Variants in CAMK1D observed in about 807,000 individuals in gnomAD.
CAMK1D encodes the protein calcium/calmodulin dependent protein kinase ID, also known as calcium/calmodulin-dependent protein kinase type 1D.
CAMK1D carries 9 observed loss-of-function variants against 47.7 expected under a neutral mutation model. The ratio of observed to expected loss-of-function variants is 0.19; its 90% CI spans 0.11 to 0.33. CAMK1D has a LOEUF of 0.33. CAMK1D is among the 10% of genes least tolerant of loss of function. CAMK1D has a pLI of 1.00. For missense variants in CAMK1D, 291 were observed against 488.7 expected (o/e 0.60, Z 3.81); for synonymous variants, 184 against 184.9 (o/e 0.99, Z 0.04).
chr10:12,429,014 G>A (rs79567777), intron 1 of CAMK1D, among the ~76,000 whole-genome samples: 4,461 of 152,248 alleles, frequency 0.029, 70 homozygotes, highest in Middle Eastern at 0.051. Flanking sequence ...CCAGGTTTAT[G>A]GTACTTTGCT....
At chr10:12,730,073 A>G (rs1161706561) in intron 3 of CAMK1D, among the ~76,000 whole-genome samples, 2 of 152,138 alleles carry the variant, frequency 1.3e-5, no homozygotes, top group South Asian at 2.1e-4. Context: ...CTGCTGTGCT[A>G]TGTTGAGAAT....
chr10:12,731,066 G>A (rs757841106), intron 3 of CAMK1D, among the ~76,000 whole-genome samples: 4 of 152,146 alleles, frequency 2.6e-5, no homozygotes, highest in Non-Finnish European at 5.9e-5. Flanking sequence ...GTTTGGTTTG[G>A]TTTGGTTCGT....
At chr10:12,428,431 A>G (rs1013224087) in intron 1 of CAMK1D, among the ~76,000 whole-genome samples, 2 of 151,988 alleles carry the variant, frequency 1.3e-5, no homozygotes, top group African/African-American at 4.8e-5. Context: ...TCCACGTTCG[A>G]CATTCTATCT....
intron 1 of CAMK1D, among the ~76,000 whole-genome samples, chr10:12,547,321 G>A (rs1836410564): frequency 6.6e-6 from 1 of 152,228 alleles, no homozygotes; most frequent in African/African-American, 2.4e-5. Context: ...TGGTGGTGGA[G>A]GAAGAAGGTC....
intron 3 of CAMK1D, among the ~76,000 whole-genome samples, chr10:12,724,866 C>G (rs1834546154): frequency 6.7e-6 from 1 of 149,338 alleles, no homozygotes; most frequent in African/African-American, 2.5e-5. Context: ...GGTGACAGAG[C>G]CAGACCCCAT....
chr10:12,535,404 C>T (rs1030579578), intron 1 of CAMK1D, among the ~76,000 whole-genome samples: 1 of 152,192 alleles, frequency 6.6e-6, no homozygotes, highest in African/African-American at 2.4e-5. Flanking sequence ...GACTTTATTC[C>T]CTTCTTCCAT....
At chr10:12,718,968 A>G (rs1834262761) in intron 3 of CAMK1D, among the ~76,000 whole-genome samples, 1 of 152,196 alleles carries the variant, frequency 6.6e-6, no homozygotes, top group Non-Finnish European at 1.5e-5. Context: ...CTTCTTTTGC[A>G]TAGACCCCAC....
At chr10:12,734,370 A>ATC (rs1835051745) in intron 3 of CAMK1D, among the ~76,000 whole-genome samples, 1 of 23,306 alleles carries the variant, frequency 4.3e-5, no homozygotes, top group African/African-American at 1.7e-4. Context: ...ATATATATAT[A>ATC]TATATATAGA....
chr10:12,430,733 A>T (rs1261041999), intron 1 of CAMK1D, among the ~76,000 whole-genome samples: 1 of 151,926 alleles, frequency 6.6e-6, no homozygotes, highest in Non-Finnish European at 1.5e-5. Flanking sequence ...TGGTGCATAC[A>T]TGTGATGATG....
chr10:12,694,319 TA>T (rs1833137076), intron 3 of CAMK1D, among the ~76,000 whole-genome samples: 4 of 65,664 alleles, frequency 6.1e-5, no homozygotes, highest in Admixed American at 2.9e-4. Context: ...ATATAAAATA[TA>T]ATATATAAAG....
chr10:12,409,001 C>T (rs1213130604), intron 1 of CAMK1D, among the ~76,000 whole-genome samples: 2 of 151,918 alleles, frequency 1.3e-5, no homozygotes, highest in African/African-American at 2.4e-5. Flanking sequence ...GGACTACAGG[C>T]GTGCACCACC....
chr10:12,501,390 T>C (rs1453129206), intron 1 of CAMK1D, among the ~76,000 whole-genome samples: 3 of 152,144 alleles, frequency 2.0e-5, no homozygotes, highest in Non-Finnish European at 2.9e-5. Context: ...ACTTTAGGTG[T>C]GTGGAAGCCT....
At chr10:12,748,270 T>C (rs527553503) in intron 3 of CAMK1D, among the ~76,000 whole-genome samples, 13 of 152,222 alleles carry the variant, frequency 8.5e-5, no homozygotes, top group Non-Finnish European at 1.8e-4. Context: ...TTCTCAAGGG[T>C]CTCTTGTAAG....
chr10:12,694,862 A>G (rs532143865), intron 3 of CAMK1D, among the ~76,000 whole-genome samples: 300 of 152,118 alleles, frequency 2.0e-3, no homozygotes, highest in African/African-American at 6.5e-3. Context: ...TTGTCAAAGT[A>G]TTACAAAGAA....
At chr10:12,734,463 T>C (rs12784742) in intron 3 of CAMK1D, among the ~76,000 whole-genome samples, 1,702 of 4,358 alleles carry the variant, frequency 0.39, 177 homozygotes, top group Middle Eastern at 0.62. Context: ...TATATACACA[T>C]ACACATATGT....
intron 2 of CAMK1D, among the ~76,000 whole-genome samples, chr10:12,601,855 G>A (rs1338689675): frequency 6.6e-6 from 1 of 152,242 alleles, no homozygotes; most frequent in Non-Finnish European, 1.5e-5. Context: ...AGCCTCGGTA[G>A]CTCGTTTCAG....
At chr10:12,806,810 G>C (rs66832754) in intron 6 of CAMK1D, among the ~76,000 whole-genome samples, 11,359 of 152,202 alleles carry the variant, frequency 0.075, 429 homozygotes, top group Middle Eastern at 0.13. Context: ...GCCATGCCAG[G>C]CTTCCAGGGA....
At chr10:12,510,801 C>T (rs1835018116) in intron 1 of CAMK1D, among the ~76,000 whole-genome samples, 1 of 152,200 alleles carries the variant, frequency 6.6e-6, no homozygotes, top group Non-Finnish European at 1.5e-5. Context: ...TGAATTCATT[C>T]TGTAGGGAAG....
intron 5 of CAMK1D, among the ~76,000 whole-genome samples, chr10:12,782,640 G>C (rs556780554): frequency 1.1e-4 from 16 of 152,284 alleles, no homozygotes; most frequent in South Asian, 1.0e-3. Flanking sequence ...CCACCAGCAG[G>C]GGGGGCATCG....
Sources: gnomAD v4.1 joint callset for allele counts (sites outside exome capture counted in the v4.1 genomes callset) on GRCh38, gnomAD v4.1.1 for gene constraint, MANE v1.5 for transcripts, NCBI Gene and HGNC (gene_info 2026-07-23, HGNC 2026-07-21) for gene names.